SCN11A: variants seen among roughly 807,000 people sequenced by gnomAD.
SCN11A encodes the protein sodium channel protein type 11 subunit alpha.
Under a neutral mutation model 162.2 loss-of-function variants are expected in SCN11A, and 122 were observed. The observed-to-expected ratio is 0.75, with a 90% CI of 0.65 to 0.87. The LOEUF is 0.87. Ranked by LOEUF, SCN11A falls within the 40% of genes least tolerant of loss-of-function variation. The pLI is 0.00. For synonymous variants in SCN11A, 758 were observed against 751.5 expected (o/e 1.01, Z -0.14); for missense variants, 2,015 against 2,181.6 (o/e 0.92, Z 1.52).
Position 38,846,630 on chromosome 3 carries a change from C to T in SCN11A, c.*64G>A, listed in dbSNP as rs944293153. The T allele has an allele frequency of 3.0e-6, 4 of 1,323,066 alleles. No homozygotes were observed. The highest frequency in any genetic ancestry group is 4.3e-6 in the Non-Finnish European group (4 of 929,050). The allele number at this position is 1,323,066 out of a possible 1,614,324, so 82.0% of individuals were successfully genotyped here. On this transcript the variant is annotated 3_prime_UTR_variant, in exon 30 of 30. Transcript: ENST00000302328. ...CCCTGTTGATACACTAAGCTGCTGA[C>T]CCCTGGAGCTCAGAGGCTGAAGGCA...
chr3:38,957,323 A>G (rs1201438690), intron 3 of SCN11A, among the ~76,000 whole-genome samples: 6 of 152,188 alleles, frequency 3.9e-5, no homozygotes, highest in Admixed American at 3.9e-4. Context: ...TTCTCCTTCT[A>G]AGCTATTTGA....
chr3:38,922,019 T>C (rs926877642), intron 9 of SCN11A, among the ~76,000 whole-genome samples: 2 of 152,192 alleles, frequency 1.3e-5, no homozygotes, highest in African/African-American at 4.8e-5. Context: ...CTCACCACCA[T>C]GGTAGATTTC....
intron 19 of SCN11A, among the ~76,000 whole-genome samples, chr3:38,886,494 C>T (rs946897144): frequency 1.5e-4 from 23 of 151,998 alleles, no homozygotes; most frequent in Admixed American, 1.4e-3. Flanking sequence ...TACAAAACTC[C>T]GCAAGTAATT....
chr3:39,039,711 G>A (rs1479291707), intron 1 of SCN11A, among the ~76,000 whole-genome samples: 1 of 152,172 alleles, frequency 6.6e-6, no homozygotes, highest in East Asian at 1.9e-4. Flanking sequence ...ACCGCTGCCA[G>A]CAACCCTATC....
intron 1 of SCN11A, among the ~76,000 whole-genome samples, chr3:39,041,284 T>C (rs1050492910): frequency 5.9e-5 from 9 of 152,170 alleles, no homozygotes; most frequent in African/African-American, 2.2e-4. Flanking sequence ...GAAAACCTAT[T>C]TGATGAAATA....
chr3:39,028,881 A>G (rs2125610279), intron 2 of SCN11A, among the ~76,000 whole-genome samples: 1 of 152,240 alleles, frequency 6.6e-6, no homozygotes, highest in Middle Eastern at 3.4e-3. Flanking sequence ...CTCATGACCC[A>G]AACACTTCAT....
In SCN11A at chr3:38,850,480, C is replaced by T. The variant is rs1314199333; in HGVS notation, c.4327+1G>A. On this transcript the variant is annotated splice_donor_variant, in intron 29 of 29. Coordinates refer to ENST00000302328, the MANE Select transcript of SCN11A (RefSeq NM_001349253.2). LOFTEE classifies it high-confidence loss of function. ...TCCCTCTGACTGCTGATTTTACTTA[C>T]TAACAATGGAAAGAAGCACGACCAC... 10 of 1,610,142 alleles carry T rather than the reference C, an allele frequency of 6.2e-6. No homozygotes were observed. The highest frequency in any genetic ancestry group is 1.3e-5 in the African/African-American group (1 of 74,858).
At chr3:38,901,867 T>C (rs938184340) in intron 16 of SCN11A, among the ~76,000 whole-genome samples, 5 of 152,180 alleles carry the variant, frequency 3.3e-5, no homozygotes, top group African/African-American at 4.8e-5. Flanking sequence ...GCCTGTGTAC[T>C]TGGAAAACAA....
intron 2 of SCN11A, among the ~76,000 whole-genome samples, chr3:39,011,553 ACT>A (rs2031134316): frequency 6.6e-6 from 1 of 152,172 alleles, no homozygotes; most frequent in Admixed American, 6.5e-5. Flanking sequence ...TGAAAAAACA[ACT>A]CTGAAAAAGG....
chr3:38,975,538 G>C (rs1438825584), intron 2 of SCN11A, among the ~76,000 whole-genome samples: 1 of 152,178 alleles, frequency 6.6e-6, no homozygotes, highest in Non-Finnish European at 1.5e-5. Flanking sequence ...GATTGGTTTT[G>C]GTTTAGTGCA....
intron 2 of SCN11A, among the ~76,000 whole-genome samples, chr3:39,014,838 CTGTGTAAT>C (rs1238449230): frequency 6.6e-6 from 1 of 152,166 alleles, no homozygotes; most frequent in Non-Finnish European, 1.5e-5. Context: ...GGAAGGGCTT[CTGTGTAAT>C]TGATCTACCA....
chr3:38,891,230 A>G (rs1411968837), intron 19 of SCN11A, among the ~76,000 whole-genome samples: 4 of 152,166 alleles, frequency 2.6e-5, no homozygotes, highest in African/African-American at 9.6e-5. Flanking sequence ...AAAAGAACCA[A>G]ATAGAAACTT....
intron 2 of SCN11A, among the ~76,000 whole-genome samples, chr3:39,007,380 A>C (rs1159564996): frequency 6.6e-6 from 1 of 152,168 alleles, no homozygotes; most frequent in East Asian, 1.9e-4. Context: ...GGTTCCTGAC[A>C]TAAGAGCCTC....
chr3:38,949,128 C>T (rs1358638104), intron 5 of SCN11A, among the ~76,000 whole-genome samples: 1 of 152,164 alleles, frequency 6.6e-6, no homozygotes, highest in African/African-American at 2.4e-5. Context: ...TCTCAGCATC[C>T]CATATTTTCT....
chr3:38,905,634 A>T (rs1362448001), intron 14 of SCN11A, among the ~76,000 whole-genome samples: 3 of 152,222 alleles, frequency 2.0e-5, no homozygotes, highest in Non-Finnish European at 4.4e-5. Context: ...AAAACTAGTA[A>T]GCAATGGTTC....
intron 7 of SCN11A, among the ~76,000 whole-genome samples, chr3:38,936,738 A>G (rs2066338854): frequency 6.6e-6 from 1 of 152,224 alleles, no homozygotes; most frequent in African/African-American, 2.4e-5. Flanking sequence ...AAACAAATGG[A>G]AGAACATTCC....
chr3:38,883,275 C>T lies in SCN11A; in HGVS notation c.3177G>A (p.Glu1059=). Reference sequence around the variant, plus strand: ...GCAGAATCACAAAGATAATAAAGCTCTCAAACCAGCTGTGTTTCACTATTT... The same window carrying T: ...GCAGAATCACAAAGATAATAAAGCTTTCAAACCAGCTGTGTTTCACTATTT... ...CYQIVKHSWF[E]SFIIFVILLS... is the part of the protein sequence containing the mutation. The change falls in exon 22 of 30, where the codon GAG becomes GAA. Residue 1059 remains glutamate, a synonymous_variant. Coordinates refer to ENST00000302328, the MANE Select transcript of SCN11A (RefSeq NM_001349253.2). 1 of 1,613,982 alleles carries T rather than the reference C, an allele frequency of 6.2e-7. No individual in the cohort carries two copies. Among genetic ancestry groups the T allele is most frequent in the South Asian group, 1.1e-5 (1 of 91,064 alleles).
chr3:38,895,138 T>C (rs926472503), intron 18 of SCN11A, among the ~76,000 whole-genome samples, 174 bp from the exon 19 acceptor site: 9 of 151,992 alleles, frequency 5.9e-5, no homozygotes, highest in African/African-American at 2.2e-4. Context: ...GAGAAAGAAA[T>C]AGAAACAGTA....
At chr3:38,851,391 C>A (rs116667773) in intron 28 of SCN11A, among the ~76,000 whole-genome samples, 2 of 152,114 alleles carry the variant, frequency 1.3e-5, no homozygotes, top group Non-Finnish European at 2.9e-5. Flanking sequence ...TATACTATAA[C>A]TGAGGGTGAA....
Sources: allele counts gnomAD v4.1 joint callset (sites outside exome capture counted in the v4.1 genomes callset), GRCh38; gene constraint gnomAD v4.1.1; transcripts MANE v1.5; gene names NCBI Gene and HGNC (gene_info 2026-07-23, HGNC 2026-07-21).